The following CAV1 variants were observed in gnomAD, a reference collection of about 807,000 sequenced individuals.
CAV1 encodes caveolin 1.
In CAV1, 10 loss-of-function variants were observed where a neutral mutation model predicts 16.5. That is an observed-to-expected ratio of 0.61 (90% CI 0.37 to 1.03). The LOEUF (loss-of-function observed/expected upper bound fraction) is 1.03. Ranked by LOEUF, CAV1 falls within the 50% of genes least tolerant of loss-of-function variation. The pLI is 0.01. For missense variants in CAV1, 212 were observed against 232.8 expected (o/e 0.91, Z 0.58); for synonymous variants, 76 against 85.1 (o/e 0.89, Z 0.59).
chr7:116,526,428 G>A, intron 1 of CAV1, 97 bp from the exon 2 acceptor site: 1 of 1,591,646 alleles, frequency 6.3e-7, no homozygotes, highest in South Asian at 1.1e-5. Context: ...CCCGCCGCCA[G>A]GCTGACTTCT....
chr7:116,555,501 A>G (rs747839914), intron 2 of CAV1, among the ~76,000 whole-genome samples: 9,983 of 19,804 alleles, frequency 0.5, 3,791 homozygotes, highest in East Asian at 0.69. Context: ...AGAAAGAAAG[A>G]AAGAAAGAAA....
intron 2 of CAV1, among the ~76,000 whole-genome samples, chr7:116,543,315 T>C (rs971403535): frequency 1.3e-5 from 2 of 152,204 alleles, no homozygotes; most frequent in Admixed American, 6.5e-5. Context: ...TTTATTACCC[T>C]CTTCCTAGGT....
chr7:116,560,122 T>C lies in CAV1; in HGVS notation c.*835T>C, dbSNP rs1794377365. ...CACTTCTGGGCTTCATCTGGCAACA[T>C]CTTTATCCGTAGTGGGTATGGTTGA... is the stretch of plus-strand genomic sequence containing the variant. On this transcript the variant is annotated 3_prime_UTR_variant, in exon 3 of 3. Transcript: ENST00000341049. 3.1e-6 allele frequency: 1 copy of C among 319,424 alleles called. No homozygotes were observed. The highest frequency in any genetic ancestry group is 1.6e-4 in the South Asian group (1 of 6,304). 19.8% of individuals were successfully genotyped at this position (319,424 alleles called of 1,614,324 possible).
At chr7:116,547,079 CCATCTT>C (rs2116046372) in intron 2 of CAV1, among the ~76,000 whole-genome samples, 1 of 152,250 alleles carries the variant, frequency 6.6e-6, no homozygotes, top group East Asian at 1.9e-4. Flanking sequence ...TTTCATATGA[CCATCTT>C]CATATAAGGA....
At chr7:116,526,069 G>A (rs1793551027) in intron 1 of CAV1, 1 of 199,966 alleles carries the variant, frequency 5.0e-6, no homozygotes, top group South Asian at 1.7e-4. Context: ...GGGGTAATAG[G>A]GACCGGGGAC....
At chr7:116,531,632 C>T (rs530140607) in intron 2 of CAV1, among the ~76,000 whole-genome samples, 1 of 152,290 alleles carries the variant, frequency 6.6e-6, no homozygotes, top group East Asian at 1.9e-4. Flanking sequence ...TACATGTGCA[C>T]AATGTGCAGG....
rs1794382344 is a variant in CAV1 at position 116,560,310 on chromosome 7, A to C, written c.*1023A>C. The stretch of plus-strand genomic sequence containing the variant: ...AGAATAATCACGCTTTCCTGAATCC[A>C]AACTAATCCATCACCGGGGTGGTTT... On this transcript the variant is annotated 3_prime_UTR_variant, in exon 3 of 3. Transcript: ENST00000341049. The C allele has an allele frequency of 6.5e-6, 1 of 153,082 alleles. No homozygotes were observed. The highest frequency in any genetic ancestry group is 2.4e-5 in the African/African-American group (1 of 41,508). 9.5% of individuals were successfully genotyped at this position (153,082 alleles called of 1,614,324 possible). A position where few individuals can be genotyped will look rare whatever the true frequency, so the allele number is the denominator to read the frequency against.
intron 2 of CAV1, among the ~76,000 whole-genome samples, chr7:116,539,512 T>C (rs1485120849): frequency 6.6e-6 from 1 of 152,236 alleles, no homozygotes; most frequent in African/African-American, 2.4e-5. Flanking sequence ...TTTGCCACTT[T>C]TGTCCCTATT....
chr7:116,555,514 A>G (rs1371749750), intron 2 of CAV1, among the ~76,000 whole-genome samples: 1 of 10,296 alleles, frequency 9.7e-5, no homozygotes, highest in Non-Finnish European at 1.9e-4. Flanking sequence ...GAAAGAAAGA[A>G]AGAAAGAGAG....
chr7:116,529,822 GC>G (rs1793646544), intron 2 of CAV1, among the ~76,000 whole-genome samples: 1 of 152,144 alleles, frequency 6.6e-6, no homozygotes, highest in Non-Finnish European at 1.5e-5. Flanking sequence ...ATATTAAGTA[GC>G]TTGTGAATAC....
At position 116,527,364 on chromosome 7, in the gene CAV1, A is replaced by G. The variant is rs780671414; in HGVS notation, c.195+675A>G. ...GTTTCTTCTATCTATGGACACCTGCACTTAGATGTGGAAAGCTGCTTCTTT... is the reference window on the plus strand; with the variant it reads ...GTTTCTTCTATCTATGGACACCTGCGCTTAGATGTGGAAAGCTGCTTCTTT... On this transcript the variant is annotated intron_variant, in intron 2 of 2. Coordinates refer to ENST00000341049, the MANE Select transcript of CAV1 (RefSeq NM_001753.5). Among the ~76,000 whole-genome samples, 25 of 152,328 alleles carry G rather than the reference A, an allele frequency of 1.6e-4. 1 individual carries two copies. In the South Asian group the frequency reaches 2.5e-3, roughly 15 times the overall value.
At chr7:116,527,009 C>T in intron 2 of CAV1, 1 of 397,234 alleles carries the variant, frequency 2.5e-6, no homozygotes, top group South Asian at 2.1e-5. Flanking sequence ...ACGGCCCATA[C>T]TCCTTGGGAC....
intron 2 of CAV1, among the ~76,000 whole-genome samples, chr7:116,555,518 A>AAGAAAGAG (rs1554357869): frequency 0.019 from 260 of 14,040 alleles, 74 homozygotes; most frequent in African/African-American, 0.058. Flanking sequence ...GAAAGAAAGA[A>AAGAAAGAG]AGAGAGAGAG....
intron 1 of CAV1, 50 bp from the exon 2 acceptor site, chr7:116,526,475 C>G: frequency 1.9e-6 from 3 of 1,612,246 alleles, no homozygotes; most frequent in Non-Finnish European, 2.5e-6. Context: ...TTCCTCCCAC[C>G]GCCGTTGCCG....
In CAV1 at chr7:116,549,758, T is replaced by C. The variant is rs539413172; in HGVS notation, c.196-9188T>C. ...TTTCAATGAGCATTTATAGTTCCTT[T>C]AAAATATGCCTACTGAAGAAATATT... On this transcript the variant is annotated intron_variant, in intron 2 of 2. Transcript: ENST00000341049. Among the ~76,000 whole-genome samples the C allele has an allele frequency of 7.2e-5, 11 of 152,282 alleles. No homozygotes were observed. In the South Asian group the frequency reaches 1.9e-3, roughly 26 times the overall value.
chr7:116,529,018 C>T (rs190592769), intron 2 of CAV1, among the ~76,000 whole-genome samples: 49 of 152,036 alleles, frequency 3.2e-4, no homozygotes, highest in South Asian at 8.3e-4. Context: ...TTAGTGGAGA[C>T]GGGGTTTCAC....
intron 2 of CAV1, among the ~76,000 whole-genome samples, chr7:116,548,634 C>T (rs780258267): frequency 3.7e-4 from 57 of 152,134 alleles, no homozygotes; most frequent in Admixed American, 1.4e-3. Context: ...TTGAATGAGA[C>T]GCTTGCATAA....
At chr7:116,530,286 C>T (rs1793660733) in intron 2 of CAV1, among the ~76,000 whole-genome samples, 1 of 136,948 alleles carries the variant, frequency 7.3e-6, no homozygotes, top group African/African-American at 2.8e-5. Flanking sequence ...AATTCATGTT[C>T]CCACATATGG....
chr7:116,558,813 G>T (rs1433363604), intron 2 of CAV1, 133 bp from the exon 3 acceptor site: 1 of 687,472 alleles, frequency 1.5e-6, no homozygotes, highest in East Asian at 2.7e-5. Flanking sequence ...GATGCTGCTG[G>T]TTGCCTTTAA....
Sources: gnomAD v4.1 joint callset for allele counts (sites outside exome capture counted in the v4.1 genomes callset) on GRCh38, gnomAD v4.1.1 for gene constraint, MANE v1.5 for transcripts, NCBI Gene and HGNC (gene_info 2026-07-23, HGNC 2026-07-21) for gene names.